LHFPL3: variants seen among roughly 807,000 people sequenced by gnomAD.
LHFPL3 encodes LHFPL tetraspan subfamily member 3 protein.
Under a neutral mutation model 19.3 loss-of-function variants are expected in LHFPL3, and 5 were observed. The observed-to-expected ratio is 0.26, with a 90% CI of 0.14 to 0.54. The LOEUF is 0.54. Among genes scored for constraint, LHFPL3 ranks in the 20% least tolerant of loss-of-function variants. LHFPL3 has a pLI of 0.94. For synonymous variants in LHFPL3, 133 were observed against 126.2 expected, an observed-to-expected ratio of 1.05 and a Z score of -0.36; for missense variants, 249 against 307.4, an observed-to-expected ratio of 0.81 and a Z score of 1.42.
At chr7:104,748,906 G>A (rs1210137293) in intron 2 of LHFPL3, among the ~76,000 whole-genome samples, 2 of 152,130 alleles carry the variant, frequency 1.3e-5, no homozygotes, top group Non-Finnish European at 2.9e-5. Context: ...CCCAACGTGG[G>A]GCTAAGGGAT....
At chr7:104,636,126 A>G (rs930934409) in intron 1 of LHFPL3, among the ~76,000 whole-genome samples, 1 of 152,216 alleles carries the variant, frequency 6.6e-6, no homozygotes, top group Non-Finnish European at 1.5e-5. Flanking sequence ...CTGAATATGT[A>G]TGGACTTAAC....
At chr7:104,362,734 C>G (rs2188492) in intron 1 of LHFPL3, among the ~76,000 whole-genome samples, 48,101 of 152,052 alleles carry the variant, frequency 0.32, 8,250 homozygotes, top group African/African-American at 0.42. Flanking sequence ...ACATCAGCCT[C>G]CCTGAAAATT....
At chr7:104,481,486 C>G (rs1312855557) in intron 1 of LHFPL3, among the ~76,000 whole-genome samples, 5 of 152,266 alleles carry the variant, frequency 3.3e-5, no homozygotes, top group African/African-American at 1.2e-4. Context: ...TTGCAAATCC[C>G]CAACACACCT....
intron 1 of LHFPL3, among the ~76,000 whole-genome samples, chr7:104,580,341 A>G (rs1790434500): frequency 1.3e-5 from 2 of 152,066 alleles, no homozygotes; most frequent in South Asian, 4.1e-4. Context: ...TATTATGAAA[A>G]TTTTCAAATG....
chr7:104,691,995 G>A (rs542390275), intron 1 of LHFPL3, among the ~76,000 whole-genome samples: 11 of 152,318 alleles, frequency 7.2e-5, no homozygotes, highest in African/African-American at 2.6e-4. Flanking sequence ...GGGAACTGGA[G>A]CAAAGGTGAC....
chr7:104,505,778 T>G (rs987798013), intron 1 of LHFPL3, among the ~76,000 whole-genome samples: 1 of 152,204 alleles, frequency 6.6e-6, no homozygotes, highest in Non-Finnish European at 1.5e-5. Context: ...TACCAAAGCA[T>G]GTTATTGTAA....
At chr7:104,830,819 G>A (rs994573511) in intron 2 of LHFPL3, among the ~76,000 whole-genome samples, 1 of 151,812 alleles carries the variant, frequency 6.6e-6, no homozygotes, top group Non-Finnish European at 1.5e-5. Flanking sequence ...GATGCAGGCT[G>A]TTTTTTGCCT....
chr7:104,825,556 C>T (rs771619739), intron 2 of LHFPL3, among the ~76,000 whole-genome samples: 12 of 151,788 alleles, frequency 7.9e-5, no homozygotes, highest in Non-Finnish European at 1.3e-4. Flanking sequence ...TGTGCATGTT[C>T]CAGGATTAAG....
At chr7:104,341,504 A>G (rs990024241) in intron 1 of LHFPL3, among the ~76,000 whole-genome samples, 1 of 152,222 alleles carries the variant, frequency 6.6e-6, no homozygotes, top group Non-Finnish European at 1.5e-5. Context: ...TGTGGTGACT[A>G]TTTAGAGCTG....
intron 2 of LHFPL3, among the ~76,000 whole-genome samples, chr7:104,859,917 C>T (rs1220568619): frequency 1.3e-5 from 2 of 152,076 alleles, no homozygotes; most frequent in African/African-American, 4.8e-5. Context: ...GTTGATAGTG[C>T]AGAAAACAGT....
chr7:104,670,053 C>A (rs1314136983), intron 1 of LHFPL3, among the ~76,000 whole-genome samples: 1 of 152,050 alleles, frequency 6.6e-6, no homozygotes, highest in Admixed American at 6.6e-5. Context: ...GTAGATTTAG[C>A]CTCAAGTTGT....
intron 2 of LHFPL3, among the ~76,000 whole-genome samples, chr7:104,828,833 G>A (rs1390659258): frequency 6.6e-6 from 1 of 151,742 alleles, no homozygotes; most frequent in African/African-American, 2.4e-5. Context: ...TCAGGAGTTC[G>A]AGACCAGCCT....
At chr7:104,472,606 C>T (rs1244516632) in intron 1 of LHFPL3, among the ~76,000 whole-genome samples, 1 of 152,088 alleles carries the variant, frequency 6.6e-6, no homozygotes, top group Non-Finnish European at 1.5e-5. Flanking sequence ...TGCAAATATT[C>T]ATTTATAATT....
intron 2 of LHFPL3, among the ~76,000 whole-genome samples, chr7:104,854,462 G>A (rs187918130): frequency 1.1e-3 from 165 of 152,266 alleles, no homozygotes; most frequent in Non-Finnish European, 1.3e-3. Context: ...AAAATAATCA[G>A]CTCAAAATTA....
intron 1 of LHFPL3, among the ~76,000 whole-genome samples, chr7:104,532,318 C>CTTTTTTTTTTTTTTTTTTTTTTT (rs71155504): frequency 2.9e-4 from 25 of 87,220 alleles, no homozygotes; most frequent in Admixed American, 4.8e-4. Context: ...TTCTTTCTGT[C>CTTTTTTTTTTTTTTTTTTTTTTT]TTTTTTTTTT....
At chr7:104,859,417 C>T (rs1380540989) in intron 2 of LHFPL3, among the ~76,000 whole-genome samples, 7 of 152,012 alleles carry the variant, frequency 4.6e-5, no homozygotes, top group Non-Finnish European at 1.5e-5. Context: ...GCCTGTAATC[C>T]CAGAACTTTG....
chr7:104,402,161 T>C (rs964243455), intron 1 of LHFPL3, among the ~76,000 whole-genome samples: 2 of 151,656 alleles, frequency 1.3e-5, no homozygotes, highest in African/African-American at 4.8e-5. Flanking sequence ...TGGATGACTG[T>C]GTATTTACTT....
intron 2 of LHFPL3, among the ~76,000 whole-genome samples, chr7:104,818,842 A>G (rs989221085): frequency 1.3e-5 from 2 of 151,944 alleles, no homozygotes; most frequent in African/African-American, 2.4e-5. Flanking sequence ...AGGAGCCCCA[A>G]TACACCTTTG....
At chr7:104,841,493 G>GTGTGTGT (rs372610653) in intron 2 of LHFPL3, among the ~76,000 whole-genome samples, 24,041 of 140,592 alleles carry the variant, frequency 0.17, 2,238 homozygotes, top group Middle Eastern at 0.23. Flanking sequence ...CATTATGTGG[G>GTGTGTGT]GTGTGTGTGT....
Sources: allele counts gnomAD v4.1 joint callset (sites outside exome capture counted in the v4.1 genomes callset), GRCh38; gene constraint gnomAD v4.1.1; transcripts MANE v1.5; gene names NCBI Gene and HGNC (gene_info 2026-07-23, HGNC 2026-07-21).